Variants in FBXO9 observed in about 807,000 individuals in gnomAD.
FBXO9 encodes F-box only protein 9.
In FBXO9, 43 loss-of-function variants were observed where a neutral mutation model predicts 63.7. The ratio of observed to expected loss-of-function variants is 0.67; its 90% CI spans 0.53 to 0.87. The LOEUF is 0.87. FBXO9 is among the 40% of genes least tolerant of loss of function. The probability of loss-of-function intolerance (pLI) is 0.00; values close to 1 mark genes in which losing one functional copy is unlikely to be tolerated. For missense variants in FBXO9, 442 were observed against 533.2 expected, an observed-to-expected ratio of 0.83 and a Z score of 1.68; for synonymous variants, 156 against 171.7, an observed-to-expected ratio of 0.91 and a Z score of 0.72.
intron 7 of FBXO9, chr6:53,091,260 C>CT (rs1426633618): frequency 6.6e-6 from 1 of 152,200 alleles, no homozygotes; most frequent in African/African-American, 2.4e-5. Context: ...GACCTCATCA[C>CT]TTTAAGAAAA....
chr6:53,081,186 A>G, intron 6 of FBXO9, 88 bp downstream of exon 6: 1 of 1,297,140 alleles, frequency 7.7e-7, no homozygotes. Flanking sequence ...TTTGCCAGAT[A>G]ACTGCTGCTT....
At chr6:53,089,812 C>CAG (rs1456788989) in intron 7 of FBXO9, among the ~76,000 whole-genome samples, 2 of 152,190 alleles carry the variant, frequency 1.3e-5, no homozygotes, top group African/African-American at 2.4e-5. Context: ...TTCACCAGGG[C>CAG]AGAAAAGGCA....
intron 1 of FBXO9, among the ~76,000 whole-genome samples, chr6:53,068,278 C>G (rs1340208075): frequency 6.6e-6 from 1 of 152,154 alleles, no homozygotes; most frequent in Non-Finnish European, 1.5e-5. Context: ...AATCTATTAG[C>G]TAACAGACTG....
rs1763294045 is a variant in FBXO9, at chr6:53,099,335, GT to G, written c.*1506del. On this transcript the variant is annotated 3_prime_UTR_variant, in exon 13 of 13. Transcript: ENST00000323557. ...CTGAGCCTGGGAAGTGGAAGTTGCA[GT>G]GAGCCAAGATCGTGCCATTCCACTC... is the stretch of plus-strand genomic sequence containing the variant. The G allele has an allele frequency of 2.6e-5, 4 of 152,246 alleles. No individual in the cohort carries two copies. Among genetic ancestry groups the G allele is most frequent in the Non-Finnish European group, 5.9e-5 (4 of 68,232 alleles). The allele number at this position is 152,246 out of a possible 1,614,324, so 9.4% of individuals were successfully genotyped here. A position where few individuals can be genotyped will look rare whatever the true frequency, so the allele number is the denominator to read the frequency against.
In FBXO9 at chr6:53,097,926, GTA is replaced by G. The variant is rs57607929; in HGVS notation, c.*144_*145del. 6.5e-3 allele frequency: 573 copies of G among 88,114 alleles called. 2 individuals are homozygous for G. Among genetic ancestry groups the G allele is most frequent in the Non-Finnish European group, 7.9e-3 (400 of 50,742 alleles). 5.5% of individuals were successfully genotyped at this position (88,114 alleles called of 1,614,324 possible). A position where few individuals can be genotyped will look rare whatever the true frequency, so the allele number is the denominator to read the frequency against. ...TAAATGTGTGTGTGTGCGTGTGTGT[GTA>G]TATATATATATATATATATATATAT... On this transcript the variant is annotated 3_prime_UTR_variant, in exon 13 of 13. Transcript: ENST00000323557.
intron 7 of FBXO9, among the ~76,000 whole-genome samples, chr6:53,090,512 C>G (rs926865155): frequency 6.6e-6 from 1 of 152,026 alleles, no homozygotes; most frequent in Non-Finnish European, 1.5e-5. Flanking sequence ...AAAACAAAAA[C>G]AAAGAAAGAA....
intron 3 of FBXO9, among the ~76,000 whole-genome samples, chr6:53,075,734 A>ATAT (rs1769076665): frequency 1.2e-5 from 1 of 82,178 alleles, no homozygotes; most frequent in Non-Finnish European, 2.1e-5. Flanking sequence ...TATATATATA[A>ATAT]TTATTTTTTT....
In FBXO9 at chr6:53,066,147, T is replaced by G. The variant is rs946814822; in HGVS notation, c.3+355T>G. 1.2e-5 allele frequency: 13 copies of G among 1,074,124 alleles called. No homozygotes were observed. The South Asian group carries it at 5.4e-4, about 45-fold the overall frequency. 66.5% of individuals were successfully genotyped at this position (1,074,124 alleles called of 1,614,324 possible). On this transcript the variant is annotated intron_variant, in intron 1 of 12. Coordinates refer to ENST00000323557, the MANE Select transcript of FBXO9 (RefSeq NM_033480.3). ...TTTATCAGAAGCATTGAGCATAGATTGAGGTAAGCTGTCACAGCGCCTGAA... is the reference window on the plus strand; with the variant it reads ...TTTATCAGAAGCATTGAGCATAGATGGAGGTAAGCTGTCACAGCGCCTGAA...
At chr6:53,092,573 C>A in intron 8 of FBXO9, 26 bp downstream of exon 8, 1 of 1,564,302 alleles carries the variant, frequency 6.4e-7, no homozygotes, top group Non-Finnish European at 8.8e-7. Flanking sequence ...TAGAACTCAG[C>A]AGAAATACTG....
rs946811384 is a variant in FBXO9 at position 53,065,918 on chromosome 6, C to T, written c.3+126C>T. On this transcript the variant is annotated intron_variant, in intron 1 of 12. Transcript: ENST00000323557. Reference sequence around the variant, plus strand: ...GGAGTGGGAGCTTCACGGCTGCCACCCGTTAGAGGGCCCTGGCCTGAGAAG... The same window carrying T: ...GGAGTGGGAGCTTCACGGCTGCCACTCGTTAGAGGGCCCTGGCCTGAGAAG... The T allele has an allele frequency of 1.9e-5, 22 of 1,185,726 alleles. No homozygotes were observed. The South Asian group carries it at 5.5e-4, about 30-fold the overall frequency. The allele number at this position is 1,185,726 out of a possible 1,614,324, so 73.5% of individuals were successfully genotyped here. A position where few individuals can be genotyped will look rare whatever the true frequency, so the allele number is the denominator to read the frequency against.
intron 12 of FBXO9, 71 bp from the exon 13 acceptor site, chr6:53,097,651 C>T: frequency 2.3e-6 from 2 of 860,270 alleles, no homozygotes; most frequent in Non-Finnish European, 1.8e-6. Flanking sequence ...AATAACCTTC[C>T]CCAAACACAC....
intron 6 of FBXO9, among the ~76,000 whole-genome samples, chr6:53,081,984 A>G (rs1769330684): frequency 6.6e-6 from 1 of 152,112 alleles, no homozygotes; most frequent in Non-Finnish European, 1.5e-5. Flanking sequence ...CACGAGAATT[A>G]CTTGAACCCA....
rs546555388 is a variant in FBXO9 at position 53,065,535 on chromosome 6, A to G, written c.-255A>G. ...CTCGGCTGGCAACGGGCGTCCCTCCACTCCCCGAGTCCCCGGCAGCCGCCG... is the reference window on the plus strand; with the variant it reads ...CTCGGCTGGCAACGGGCGTCCCTCCGCTCCCCGAGTCCCCGGCAGCCGCCG... On this transcript the variant is annotated 5_prime_UTR_variant, in exon 1 of 13. Coordinates refer to ENST00000323557, the MANE Select transcript of FBXO9 (RefSeq NM_033480.3). 17 of 397,264 alleles carry G rather than the reference A, an allele frequency of 4.3e-5. No individual in the cohort carries two copies. The South Asian group carries it at 1.5e-3, about 35-fold the overall frequency. 24.6% of individuals were successfully genotyped at this position (397,264 alleles called of 1,614,324 possible).
rs931574069 is a variant in FBXO9, at chr6:53,068,612, T to G, written c.4-2445T>G. The stretch of plus-strand genomic sequence containing the variant: ...CACATTTAATAACATGCTAGCTGTA[T>G]AAAAGAAGTGACATCATCTTACGGA... On this transcript the variant is annotated intron_variant, in intron 1 of 12. Coordinates refer to ENST00000323557, the MANE Select transcript of FBXO9 (RefSeq NM_033480.3). Among the ~76,000 whole-genome samples the G allele has an allele frequency of 6.0e-5, 9 of 149,564 alleles. No homozygotes were observed. The Admixed American group carries it at 6.0e-4, about 10-fold the overall frequency.
chr6:53,100,479 GTC>G lies in FBXO9; in HGVS notation c.*2651_*2652del. The G allele has an allele frequency of 6.6e-6, 1 of 152,288 alleles. No individual in the cohort carries two copies. The highest frequency in any genetic ancestry group is 1.5e-5 in the Non-Finnish European group (1 of 68,068). 9.4% of individuals were successfully genotyped at this position (152,288 alleles called of 1,614,324 possible). On this transcript the variant is annotated 3_prime_UTR_variant, in exon 13 of 13. Coordinates refer to ENST00000323557, the MANE Select transcript of FBXO9 (RefSeq NM_033480.3). ...CCATCATGTTTAATTGCCTCCTCCT[GTC>G]TTGCATTTTCCTCCCAGCCCCCTTC...
Position 53,082,556 on chromosome 6 carries a change from C to T in FBXO9, c.591C>T (p.Asp197=). ...TCTTCCGATGGGTGGTGTCTAGTGA[C>T]TTGGACCTCAGATCATTGGAGCAGT... ...MYIFRWVVSS[D]LDLRSLEQLS... The change falls in exon 7 of 13, where the codon GAC becomes GAT. Residue 197 remains aspartate, a synonymous_variant. Coordinates refer to ENST00000323557, the MANE Select transcript of FBXO9 (RefSeq NM_033480.3). 6.2e-7 allele frequency: 1 copy of T among 1,613,818 alleles called. No homozygotes were observed.
intron 7 of FBXO9, among the ~76,000 whole-genome samples, chr6:53,087,932 CT>C (rs1383748096): frequency 2.6e-5 from 4 of 152,174 alleles, no homozygotes; most frequent in African/African-American, 9.6e-5. Context: ...CACACAAAAT[CT>C]TTTATGAACC....
chr6:53,090,148 A>G (rs1428569083), intron 7 of FBXO9, among the ~76,000 whole-genome samples: 2 of 152,246 alleles, frequency 1.3e-5, no homozygotes, highest in East Asian at 1.9e-4. Flanking sequence ...AAGTTTGCAC[A>G]GGCAGTTTGC....
intron 7 of FBXO9, among the ~76,000 whole-genome samples, chr6:53,088,210 A>G (rs1453348910): frequency 2.6e-5 from 4 of 152,184 alleles, no homozygotes; most frequent in African/African-American, 4.8e-5. Flanking sequence ...AAAATTCTTC[A>G]TTATTTAATC....
Sources: allele counts gnomAD v4.1 joint callset (sites outside exome capture counted in the v4.1 genomes callset), GRCh38; gene constraint gnomAD v4.1.1; transcripts MANE v1.5; gene names NCBI Gene and HGNC (gene_info 2026-07-23, HGNC 2026-07-21).